The following TTLL5 variants were observed in gnomAD, a reference collection of about 807,000 sequenced individuals.
TTLL5 encodes tubulin polyglutamylase TTLL5.
A neutral mutation model predicts 168.4 loss-of-function variants in TTLL5; 132 were observed. The observed-to-expected ratio is 0.78, with a 90% CI of 0.68 to 0.91. The LOEUF (loss-of-function observed/expected upper bound fraction) is 0.91. TTLL5 is among the 40% of genes least tolerant of loss of function. The pLI is 0.00. For missense variants in TTLL5, 1,545 were observed against 1,581.5 expected, an observed-to-expected ratio of 0.98 and a Z score of 0.39; for synonymous variants, 546 against 558.6, an observed-to-expected ratio of 0.98 and a Z score of 0.32.
intron 3 of TTLL5, 34 bp from the exon 4 acceptor site, chr14:75,681,511 T>C: frequency 6.3e-7 from 1 of 1,586,674 alleles, no homozygotes; most frequent in Non-Finnish European, 8.6e-7. Flanking sequence ...CAGTTAACTT[T>C]CTAGTTACTG....
intron 28 of TTLL5, among the ~76,000 whole-genome samples, chr14:75,837,612 C>G (rs945919301): frequency 6.6e-6 from 1 of 152,066 alleles, no homozygotes; most frequent in Non-Finnish European, 1.5e-5. Flanking sequence ...TTCCCTCCCC[C>G]CAACGCCTGG....
intron 26 of TTLL5, among the ~76,000 whole-genome samples, chr14:75,789,575 T>C (rs1052808303): frequency 6.6e-6 from 1 of 152,176 alleles, no homozygotes; most frequent in African/African-American, 2.4e-5. Context: ...GTCACACTTT[T>C]GCAGCCATCA....
At position 75,699,226 on chromosome 14, in the gene TTLL5, C is replaced by T; in HGVS notation, c.541C>T (p.Pro181Ser). 2 of 1,613,952 alleles carry T rather than the reference C, an allele frequency of 1.2e-6. No homozygotes were observed. The highest frequency in any genetic ancestry group is 1.7e-6 in the Non-Finnish European group (2 of 1,179,954). ...GGACCGGGGACCTTGGATAGTAAAA[C>T]CAGTGGCATCTTCAAGGGGGCGGGG... ...SKDRGPWIVK[P>S]VASSRGRGVY... is the part of the protein sequence containing the mutation. The change falls in exon 7 of 32, where the codon CCA becomes TCA. Residue 181 changes from proline to serine, a missense_variant. Pro to Ser is a moderately conservative substitution (Grantham distance 74). Coordinates refer to ENST00000298832, the MANE Select transcript of TTLL5 (RefSeq NM_015072.5).
chr14:75,674,313 G>A (rs982029345), intron 3 of TTLL5, among the ~76,000 whole-genome samples: 3 of 152,070 alleles, frequency 2.0e-5, no homozygotes, highest in Admixed American at 6.6e-5. Flanking sequence ...TCAGTTTTCT[G>A]TATTGTTAAA....
intron 6 of TTLL5, among the ~76,000 whole-genome samples, chr14:75,690,694 A>T (rs1885392382): frequency 6.6e-6 from 1 of 151,532 alleles, no homozygotes; most frequent in Non-Finnish European, 1.5e-5. Flanking sequence ...ATCATGGCTC[A>T]CTGCACCCTC....
Position 75,786,871 on chromosome 14 carries a change from G to A in TTLL5, c.2986+3341G>A, listed in dbSNP as rs552610388. On this transcript the variant is annotated intron_variant, in intron 26 of 31. Transcript: ENST00000298832. The stretch of plus-strand genomic sequence containing the variant: ...AAATTGGCCGGGCACAGCGTCTTAT[G>A]CCTATAATCCCAGCACTTTCGGAGG... 1.2e-4 allele frequency among the ~76,000 whole-genome samples: 18 copies of A among 152,296 alleles called. No homozygotes were observed. In the East Asian group the frequency reaches 2.7e-3, roughly 23 times the overall value.
chr14:75,868,491 A>T (rs866181025), intron 29 of TTLL5, among the ~76,000 whole-genome samples: 10 of 152,120 alleles, frequency 6.6e-5, no homozygotes, highest in Non-Finnish European at 1.2e-4. Context: ...ACCATGTCCA[A>T]GTTTACCAAA....
intron 27 of TTLL5, among the ~76,000 whole-genome samples, chr14:75,819,705 A>G (rs763102468): frequency 6.6e-6 from 1 of 152,156 alleles, no homozygotes; most frequent in Non-Finnish European, 1.5e-5. Flanking sequence ...AACATTGTCT[A>G]CTCAGTAGAT....
chr14:75,929,320 T>C (rs1179452414), intron 31 of TTLL5, among the ~76,000 whole-genome samples: 4 of 152,164 alleles, frequency 2.6e-5, no homozygotes, highest in Non-Finnish European at 4.4e-5. Context: ...TTTCCCAAAA[T>C]GTGTTCACAA....
intron 27 of TTLL5, among the ~76,000 whole-genome samples, chr14:75,798,551 C>T (rs116125967): frequency 0.015 from 2,348 of 151,918 alleles, 80 homozygotes; most frequent in African/African-American, 0.053. Context: ...GAGATGTGAC[C>T]TTAGATTGTC....
At chr14:75,717,506 A>T (rs1054900447) in intron 9 of TTLL5, among the ~76,000 whole-genome samples, 1 of 152,132 alleles carries the variant, frequency 6.6e-6, no homozygotes, top group Non-Finnish European at 1.5e-5. Context: ...TTCAATTTTC[A>T]TTCTTCCTAT....
intron 30 of TTLL5, among the ~76,000 whole-genome samples, chr14:75,893,995 A>G (rs2032534716): frequency 6.6e-6 from 1 of 152,196 alleles, no homozygotes; most frequent in African/African-American, 2.4e-5. Flanking sequence ...AAATGTCAAT[A>G]AATGTTAATG....
chr14:75,765,210 GACTGATAT>G (rs1431359855), intron 19 of TTLL5, among the ~76,000 whole-genome samples: 1 of 152,082 alleles, frequency 6.6e-6, no homozygotes, highest in Non-Finnish European at 1.5e-5. Flanking sequence ...GTTTATAATT[GACTGATAT>G]ACTGATTTCC....
At chr14:75,817,528 A>G (rs1009781796) in intron 27 of TTLL5, among the ~76,000 whole-genome samples, 11 of 152,186 alleles carry the variant, frequency 7.2e-5, no homozygotes, top group Non-Finnish European at 1.2e-4. Flanking sequence ...ACTGAATTCT[A>G]TAACTAGGAA....
intron 28 of TTLL5, among the ~76,000 whole-genome samples, chr14:75,826,626 A>G (rs776061413): frequency 2.6e-5 from 4 of 152,164 alleles, no homozygotes; most frequent in Non-Finnish European, 5.9e-5. Context: ...GGTTATGACA[A>G]AGTTCCTTAC....
At position 75,754,786 on chromosome 14, in the gene TTLL5, T is replaced by C. The variant is rs542581719; in HGVS notation, c.1550+1831T>C. On this transcript the variant is annotated intron_variant, in intron 18 of 31. Coordinates refer to ENST00000298832, the MANE Select transcript of TTLL5 (RefSeq NM_015072.5). Reference sequence around the variant, plus strand: ...ATGAAGAAAGATGCATTATTTCTTTTGGTAATGAAGTCACATTAATCCACT... The same window carrying C: ...ATGAAGAAAGATGCATTATTTCTTTCGGTAATGAAGTCACATTAATCCACT... Among the ~76,000 whole-genome samples the C allele has an allele frequency of 7.2e-5, 11 of 152,332 alleles. No homozygotes were observed. The South Asian group carries it at 2.3e-3, about 32-fold the overall frequency.
At chr14:75,869,013 A>AGTGTGTGTGT (rs3138589) in intron 29 of TTLL5, among the ~76,000 whole-genome samples, 1,937 of 124,452 alleles carry the variant, frequency 0.016, 44 homozygotes, top group African/African-American at 0.032. Flanking sequence ...AGAGGGGAGG[A>AGTGTGTGTGT]GTGTGTGTGT....
chr14:75,762,505 A>G (rs1053949356), intron 18 of TTLL5, among the ~76,000 whole-genome samples: 3 of 152,248 alleles, frequency 2.0e-5, no homozygotes, highest in African/African-American at 7.2e-5. Flanking sequence ...ACCAATATTT[A>G]TGGCAAGTCA....
chr14:75,663,396 A>C (rs1380538563), intron 2 of TTLL5, among the ~76,000 whole-genome samples, 173 bp downstream of exon 2: 2 of 152,124 alleles, frequency 1.3e-5, no homozygotes, highest in Non-Finnish European at 2.9e-5. Flanking sequence ...ATGTCATTTA[A>C]GGTCTTGTTA....
Sources: allele counts gnomAD v4.1 joint callset (sites outside exome capture counted in the v4.1 genomes callset), GRCh38; gene constraint gnomAD v4.1.1; transcripts MANE v1.5; gene names NCBI Gene and HGNC (gene_info 2026-07-23, HGNC 2026-07-21).